The following ILDR1 variants were observed in gnomAD, a reference collection of about 807,000 sequenced individuals.
ILDR1 encodes the protein immunoglobulin like domain containing receptor 1.
Under a neutral mutation model 62.4 loss-of-function variants are expected in ILDR1, and 56 were observed. That is an observed-to-expected ratio of 0.90 (90% confidence interval 0.72 to 1.12). ILDR1 has a LOEUF of 1.12. ILDR1 is among the 50% of genes most tolerant of loss of function. ILDR1 has a pLI of 0.00. For missense variants in ILDR1, 736 were observed against 710.6 expected, an observed-to-expected ratio of 1.04 and a Z score of -0.41; for synonymous variants, 284 against 277.8, an observed-to-expected ratio of 1.02 and a Z score of -0.22.
chr3:121,992,349 G>C (rs1236978175), intron 7 of ILDR1, among the ~76,000 whole-genome samples: 1 of 152,026 alleles, frequency 6.6e-6, no homozygotes, highest in East Asian at 1.9e-4. Flanking sequence ...TGTTGGCCAG[G>C]CTGGTCTTGA....
chr3:122,029,229 G>A, the ILDR1 span, among the ~76,000 whole-genome samples: 1 of 152,092 alleles, frequency 6.6e-6, no homozygotes, highest in African/African-American at 2.4e-5. Context: ...CAGGGGGGCC[G>A]GGTGTGGTGG....
the ILDR1 span, among the ~76,000 whole-genome samples, chr3:122,052,667 G>A: frequency 1.3e-5 from 2 of 152,112 alleles, no homozygotes; most frequent in South Asian, 2.1e-4. Flanking sequence ...TCCGCCTCCC[G>A]GGTTCAAGCA....
At chr3:122,061,586 T>C in the ILDR1 span, among the ~76,000 whole-genome samples, 1 of 152,146 alleles carries the variant, frequency 6.6e-6, no homozygotes, top group Non-Finnish European at 1.5e-5. Flanking sequence ...AATATACAGA[T>C]GGTGAACAAC....
In ILDR1 at chr3:122,008,578, CTTTTCTTTTCTTTTCTT is replaced by C. The variant is rs1458177258; in HGVS notation, c.59-1434_59-1418del. Among the ~76,000 whole-genome samples the C allele has an allele frequency of 1.3e-3, 185 of 138,982 alleles. 4 individuals carry two copies. The highest frequency in any genetic ancestry group is 6.3e-3 in the Admixed American group (87 of 13,856). 91.2% of individuals were successfully genotyped at this position (138,982 alleles called of 152,430 possible). On this transcript the variant is annotated intron_variant, in intron 1 of 7. Transcript: ENST00000344209. ...ACGCATTTTTTATTTCTTTTCTTTT[CTTTTCTTTTCTTTTCTT>C]TTTTTTTTTTTTTTTTGAGATAGAG... is the stretch of plus-strand genomic sequence containing the variant.
chr3:122,022,654 C>T (rs886579453), upstream of ILDR1, among the ~76,000 whole-genome samples: 2 of 152,200 alleles, frequency 1.3e-5, no homozygotes, highest in Non-Finnish European at 2.9e-5. Context: ...CAGTGGCTCA[C>T]GCCTGTAATC....
At chr3:122,027,845 T>G in the ILDR1 span, among the ~76,000 whole-genome samples, 3 of 152,164 alleles carry the variant, frequency 2.0e-5, no homozygotes, top group Non-Finnish European at 4.4e-5. Flanking sequence ...AAGGGGGTTG[T>G]GAGTACCTCC....
At chr3:122,025,093 T>C (rs951878677), upstream of ILDR1, 2 of 152,150 alleles carry the variant, frequency 1.3e-5, no homozygotes, top group African/African-American at 2.4e-5. Context: ...AAAGTAAAAA[T>C]CACTTGACCT....
the ILDR1 span, among the ~76,000 whole-genome samples, chr3:122,040,702 G>C: frequency 9.9e-4 from 74 of 74,750 alleles, 1 homozygote; most frequent in African/African-American, 3.2e-3. Flanking sequence ...AATAATGCTA[G>C]AACAACTGGA....
At chr3:122,051,362 G>A in the ILDR1 span, among the ~76,000 whole-genome samples, 2 of 152,010 alleles carry the variant, frequency 1.3e-5, no homozygotes, top group African/African-American at 4.8e-5. Context: ...AATTTCAAAT[G>A]ACTTGTAATT....
intron 7 of ILDR1, among the ~76,000 whole-genome samples, chr3:121,989,855 C>T (rs2071313519): frequency 7.3e-6 from 1 of 137,292 alleles, no homozygotes. Context: ...CCTTGTTTGT[C>T]AATATCTATT....
At chr3:121,991,516 A>G (rs2071346369) in intron 7 of ILDR1, among the ~76,000 whole-genome samples, 1 of 152,216 alleles carries the variant, frequency 6.6e-6, no homozygotes, top group African/African-American at 2.4e-5. Context: ...TAGTTGTATC[A>G]TCTGTAAATG....
the ILDR1 span, among the ~76,000 whole-genome samples, chr3:122,039,912 C>A: frequency 1.3e-5 from 2 of 151,798 alleles, no homozygotes; most frequent in African/African-American, 4.8e-5. Flanking sequence ...TAAAGAGAGA[C>A]TACTTTTTAA....
upstream of ILDR1, among the ~76,000 whole-genome samples, chr3:122,026,820 TAGCCAACACA>T (rs2071925008): frequency 6.6e-6 from 1 of 152,200 alleles, no homozygotes; most frequent in Non-Finnish European, 1.5e-5. Flanking sequence ...CTGGATATTC[TAGCCAACACA>T]ATTATAAAAT....
the ILDR1 span, among the ~76,000 whole-genome samples, chr3:122,040,528 T>C: frequency 6.6e-6 from 1 of 151,718 alleles, no homozygotes; most frequent in Admixed American, 6.6e-5. Context: ...ACACCTAACT[T>C]CAAGACTTAT....
chr3:122,015,862 G>A (rs2071769495), intron 1 of ILDR1, among the ~76,000 whole-genome samples: 1 of 152,012 alleles, frequency 6.6e-6, no homozygotes, highest in East Asian at 1.9e-4. Flanking sequence ...CTACTATTAT[G>A]TCCAGCCTCC....
intron 1 of ILDR1, among the ~76,000 whole-genome samples, chr3:122,011,904 G>A (rs942593628): frequency 1.3e-5 from 2 of 152,018 alleles, no homozygotes; most frequent in Non-Finnish European, 2.9e-5. Flanking sequence ...ACACCCCCAC[G>A]TGTCCAACAT....
intron 1 of ILDR1, among the ~76,000 whole-genome samples, chr3:122,016,946 T>G (rs2071784842): frequency 6.6e-6 from 1 of 152,190 alleles, no homozygotes; most frequent in South Asian, 2.1e-4. Context: ...ATAAAGAAAG[T>G]GTCAAAATTG....
chr3:121,990,077 T>C lies in ILDR1; in HGVS notation c.1600-1669A>G, dbSNP rs115167451. ...GTAAACAGGAACTTCCAGTGCTGCA[T>C]GATGGAAGGTCACCATCTAGAGGCC... On this transcript the variant is annotated intron_variant, in intron 7 of 7. Transcript: ENST00000344209. Among the ~76,000 whole-genome samples, 582 of 152,308 alleles carry C rather than the reference T, an allele frequency of 3.8e-3. 7 individuals carry two copies. The highest frequency in any genetic ancestry group is 0.013 in the African/African-American group (557 of 41,560).
chr3:122,024,749 A>G (rs1188262140), upstream of ILDR1, among the ~76,000 whole-genome samples: 1 of 152,234 alleles, frequency 6.6e-6, no homozygotes, highest in Admixed American at 6.5e-5. Flanking sequence ...AACTTGCTCA[A>G]TGTTACGATG....
Sources: gnomAD v4.1 joint callset for allele counts (sites outside exome capture counted in the v4.1 genomes callset) on GRCh38, gnomAD v4.1.1 for gene constraint, MANE v1.5 for transcripts, NCBI Gene and HGNC (gene_info 2026-07-23, HGNC 2026-07-21) for gene names.